Variants in COL18A1 observed in about 807,000 individuals in gnomAD.
COL18A1 encodes collagen type XVIII alpha 1 chain.
In COL18A1, 133 loss-of-function variants were observed where a neutral mutation model predicts 168.0. The observed-to-expected ratio is 0.79, with a 90% CI of 0.69 to 0.91. The LOEUF (loss-of-function observed/expected upper bound fraction) is 0.91. Ranked by LOEUF, COL18A1 falls within the 40% of genes least tolerant of loss-of-function variation. COL18A1 has a pLI of 0.00. For synonymous variants in COL18A1, 949 were observed against 809.0 expected (o/e 1.17, Z -2.94); for missense variants, 2,126 against 1,925.4 (o/e 1.10, Z -1.95).
In COL18A1 at chr21:45,512,624, T is replaced by TC; in HGVS notation, c.*230dup. The TC allele has an allele frequency of 1.7e-6, 1 of 587,820 alleles. No homozygotes were observed. The highest frequency in any genetic ancestry group is 3.0e-6 in the Non-Finnish European group (1 of 331,126). 36.4% of individuals were successfully genotyped at this position (587,820 alleles called of 1,614,324 possible). ...TGCTGACATTCACCTGCCCCAACTCTCCCCTGACCTGTGAGCCCAGCTGGG... is the reference window on the plus strand; with the variant it reads ...TGCTGACATTCACCTGCCCCAACTCTCCCCCTGACCTGTGAGCCCAGCTGGG... On this transcript the variant is annotated 3_prime_UTR_variant, in exon 42 of 42. Transcript: ENST00000651438.
chr21:45,443,550 C>T lies in COL18A1; in HGVS notation c.107-24692C>T, dbSNP rs1210244989. Among the ~76,000 whole-genome samples, 1 of 152,106 alleles carries T rather than the reference C, an allele frequency of 6.6e-6. No homozygotes were observed. Among genetic ancestry groups the T allele is most frequent in the Non-Finnish European group, 1.5e-5 (1 of 67,982 alleles). On this transcript the variant is annotated intron_variant, in intron 2 of 41. Coordinates refer to ENST00000651438, the MANE Select transcript of COL18A1 (RefSeq NM_001379500.1). This position sits in a 1 kb window ranked among gnomAD's most constrained non-coding sequence, Gnocchi z 5.2. ...GCTCCCTCCTTGCACTGTGGTCTCT[C>T]GGGACCTAGGAGGTCCCGGGGTGTG...
chr21:45,496,325 G>A (rs781693585), intron 29 of COL18A1, 175 bp from the exon 30 acceptor site: 7 of 717,526 alleles, frequency 9.8e-6, no homozygotes, highest in Non-Finnish European at 1.6e-5. Flanking sequence ...GCCGGGGCCA[G>A]TTCCTGTCCT....
chr21:45,477,653 C>G, intron 7 of COL18A1, 97 bp from the exon 8 acceptor site: 1 of 1,347,866 alleles, frequency 7.4e-7, no homozygotes, highest in Non-Finnish European at 1.0e-6. Flanking sequence ...CTGTGGGAAG[C>G]AGCCCAGCCT....
At chr21:45,478,240 G>A in intron 8 of COL18A1, 87 bp from the exon 9 acceptor site, 1 of 1,575,104 alleles carries the variant, frequency 6.3e-7, no homozygotes, top group Non-Finnish European at 8.7e-7. Context: ...TGGGGACTTG[G>A]AGCGTGGGGT....
At chr21:45,496,069 G>GCCATGCCCTCCATGCCCTCTATGCCCT (rs1427697516) in intron 29 of COL18A1, 8 of 344,438 alleles carry the variant, frequency 2.3e-5, no homozygotes, top group African/African-American at 5.0e-5. Flanking sequence ...ATGGGCCTGG[G>GCCATGCCCTCCATGCCCTCTATGCCCT]CCATGCCCTC....
At position 45,512,696 on chromosome 21, in the gene COL18A1, C is replaced by G. The variant is rs1261108480; in HGVS notation, c.*298C>G. ...GCCCTGTGCAACCTCTTGGCCTGAT[C>G]AGACCACGGCTCGATTTCTCCAGGA... On this transcript the variant is annotated 3_prime_UTR_variant, in exon 42 of 42. Transcript: ENST00000651438. The G allele has an allele frequency of 4.2e-6, 2 of 478,840 alleles. No homozygotes were observed. The highest frequency in any genetic ancestry group is 7.6e-6 in the Non-Finnish European group (2 of 261,980). 29.7% of individuals were successfully genotyped at this position (478,840 alleles called of 1,614,324 possible). A position where few individuals can be genotyped will look rare whatever the true frequency, so the allele number is the denominator to read the frequency against.
At position 45,425,676 on chromosome 21, in the gene COL18A1, C is replaced by T. The variant is rs530367305; in HGVS notation, c.106+20203C>T. Among the ~76,000 whole-genome samples, 5 of 152,240 alleles carry T rather than the reference C, an allele frequency of 3.3e-5. No homozygotes were observed. Among genetic ancestry groups the T allele is most frequent in the East Asian group, 3.9e-4 (2 of 5,156 alleles). On this transcript the variant is annotated intron_variant, in intron 2 of 41. Transcript: ENST00000651438. This position sits in a 1 kb window ranked among gnomAD's most constrained non-coding sequence, Gnocchi z 4.1. ...CTCCCCGGCTCCTCAGGGGGAGGTT[C>T]GGGGCCTTTGGTCTCTGGACTTGGG...
At chr21:45,503,341 A>C (rs1176063575) in intron 32 of COL18A1, among the ~76,000 whole-genome samples, 1 of 151,824 alleles carries the variant, frequency 6.6e-6, no homozygotes, top group Non-Finnish European at 1.5e-5. Flanking sequence ...GCATTTTTTC[A>C]TGTGTTTTTT....
intron 20 of COL18A1, 109 bp from the exon 21 acceptor site, chr21:45,490,727 G>C: frequency 8.2e-7 from 1 of 1,223,434 alleles, no homozygotes; most frequent in Non-Finnish European, 1.2e-6. Context: ...CCAGGCCCCA[G>C]CCGGTCGGGA....
chr21:45,492,637 G>A (rs751086824), intron 23 of COL18A1, 50 bp from the exon 24 acceptor site: 15 of 1,611,108 alleles, frequency 9.3e-6, no homozygotes, highest in African/African-American at 2.7e-5. Flanking sequence ...GGTCCGGGCA[G>A]GCGCGAGGGT....
chr21:45,490,589 C>T (rs114630639), intron 20 of COL18A1, among the ~76,000 whole-genome samples: 2,257 of 141,166 alleles, frequency 0.016, 70 homozygotes, highest in African/African-American at 0.056. Flanking sequence ...CCTGGGCCTC[C>T]GTGTGCCCTC....
At chr21:45,503,729 A>T (rs901134181) in intron 32 of COL18A1, among the ~76,000 whole-genome samples, 1 of 151,980 alleles carries the variant, frequency 6.6e-6, no homozygotes, top group African/African-American at 2.4e-5. Context: ...TGGCACATGT[A>T]TACATATGTA....
At chr21:45,509,839 G>C (rs968758094) in intron 39 of COL18A1, among the ~76,000 whole-genome samples, 1 of 152,210 alleles carries the variant, frequency 6.6e-6, no homozygotes, top group African/African-American at 2.4e-5. Context: ...GCGTACCTCC[G>C]CCTACAGCGG....
At chr21:45,416,854 G>GCTCGTTCTGCATATC (rs1265719833) in intron 2 of COL18A1, among the ~76,000 whole-genome samples, 9 of 152,114 alleles carry the variant, frequency 5.9e-5, no homozygotes, top group East Asian at 5.8e-4. Flanking sequence ...TTCTGCATAT[G>GCTCGTTCTGCATATC]CTCGTTCTGC....
chr21:45,476,771 TTG>T (rs551882935), intron 6 of COL18A1, among the ~76,000 whole-genome samples: 144 of 146,870 alleles, frequency 9.8e-4, no homozygotes, highest in African/African-American at 3.3e-3. Flanking sequence ...GGTGTGTGTA[TTG>T]TGTGTGGTGT....
intron 11 of COL18A1, 48 bp downstream of exon 11, chr21:45,480,204 A>G: frequency 8.2e-7 from 1 of 1,221,498 alleles, no homozygotes; most frequent in Non-Finnish European, 1.2e-6. Context: ...GCCCTCCTCA[A>G]AAGCAGGCAC....
chr21:45,466,128 G>A lies in COL18A1; in HGVS notation c.107-2114G>A, dbSNP rs2035201356. ...CTGGGAGAGGGCGCTTTGGCTCAGAGGCTGCCACTGCAGAAGGGATGGACG... is the reference window on the plus strand; with the variant it reads ...CTGGGAGAGGGCGCTTTGGCTCAGAAGCTGCCACTGCAGAAGGGATGGACG... On this transcript the variant is annotated intron_variant, in intron 2 of 41. Transcript: ENST00000651438. Among the ~76,000 whole-genome samples the A allele has an allele frequency of 2.0e-5, 3 of 152,190 alleles. No homozygotes were observed. The South Asian group carries it at 6.2e-4, about 31-fold the overall frequency.
In COL18A1 at chr21:45,498,822, C is replaced by T. The variant is rs2074873160; in HGVS notation, c.2683+1161C>T. ...CCCACCTTGAACTCTGAAGGTCACA[C>T]ATTCAAAAGCCACAGGAAGTCTGGA... On this transcript the variant is annotated intron_variant, in intron 32 of 41. Coordinates refer to ENST00000651438, the MANE Select transcript of COL18A1 (RefSeq NM_001379500.1). The surrounding 1 kb of genome is among the most constrained non-coding windows in gnomAD (Gnocchi z 4.5). Among the ~76,000 whole-genome samples, 1 of 152,206 alleles carries T rather than the reference C, an allele frequency of 6.6e-6. No homozygotes were observed. The highest frequency in any genetic ancestry group is 2.1e-4 in the South Asian group (1 of 4,832).
intron 2 of COL18A1, among the ~76,000 whole-genome samples, chr21:45,452,936 ATG>A (rs972802309): frequency 6.6e-6 from 1 of 151,722 alleles, no homozygotes; most frequent in African/African-American, 2.4e-5. Context: ...CACATGTGAC[ATG>A]TGAGCATGTA....
Sources: gnomAD v4.1 joint callset for allele counts (sites outside exome capture counted in the v4.1 genomes callset) on GRCh38, gnomAD v4.1.1 for gene constraint, Gnocchi (gnomAD v3.1) non-coding constraint, MANE v1.5 for transcripts, NCBI Gene and HGNC (gene_info 2026-07-23, HGNC 2026-07-21) for gene names.